The following IMMP2L variants were observed in gnomAD, a reference collection of about 807,000 sequenced individuals.
IMMP2L encodes mitochondrial inner membrane protease subunit 2.
In IMMP2L, 18 loss-of-function variants were observed where a neutral mutation model predicts 19.3. That is an observed-to-expected ratio of 0.93 (90% CI 0.64 to 1.38). The LOEUF (loss-of-function observed/expected upper bound fraction) is 1.38. IMMP2L is among the 40% of genes most tolerant of loss of function. The pLI is 0.00. For synonymous variants in IMMP2L, 76 were observed against 73.0 expected (o/e 1.04, Z -0.21); for missense variants, 233 against 218.2 (o/e 1.07, Z -0.43).
chr7:111,484,075 G>A (rs1353719822), intron 3 of IMMP2L, among the ~76,000 whole-genome samples: 1 of 152,162 alleles, frequency 6.6e-6, no homozygotes, highest in Non-Finnish European at 1.5e-5. Context: ...TTTATGACTT[G>A]TAATGATAAT....
chr7:110,940,411 G>A (rs1183804362), intron 4 of IMMP2L, among the ~76,000 whole-genome samples: 2 of 151,896 alleles, frequency 1.3e-5, no homozygotes, highest in Non-Finnish European at 2.9e-5. Context: ...TTATTCATTA[G>A]TAATCAAAAA....
intron 5 of IMMP2L, among the ~76,000 whole-genome samples, chr7:110,854,401 T>C (rs891828680): frequency 6.6e-6 from 1 of 151,948 alleles, no homozygotes; most frequent in Admixed American, 6.6e-5. Flanking sequence ...AGGAGAAACA[T>C]GTATTCTTTT....
At chr7:111,419,514 T>C (rs760035730) in intron 3 of IMMP2L, among the ~76,000 whole-genome samples, 1 of 151,806 alleles carries the variant, frequency 6.6e-6, no homozygotes, top group Non-Finnish European at 1.5e-5. Context: ...AATGTGTATC[T>C]GATTGCCTCC....
At chr7:111,536,202 G>A (rs1847871812) in intron 1 of IMMP2L, among the ~76,000 whole-genome samples, 1 of 152,050 alleles carries the variant, frequency 6.6e-6, no homozygotes, top group Admixed American at 6.5e-5. Context: ...AGCTTCAAAA[G>A]GTAAATCAGG....
chr7:111,110,846 C>T (rs1799110827), intron 3 of IMMP2L, among the ~76,000 whole-genome samples: 1 of 152,102 alleles, frequency 6.6e-6, no homozygotes, highest in African/African-American at 2.4e-5. Context: ...TGTCCCAGAT[C>T]AAATTTAAGG....
intron 3 of IMMP2L, among the ~76,000 whole-genome samples, chr7:111,095,604 TA>T (rs953201458): frequency 2.7e-4 from 41 of 152,140 alleles, no homozygotes; most frequent in African/African-American, 9.6e-4. Flanking sequence ...TGTAAAGTCA[TA>T]AAAATTAGAG....
intron 2 of IMMP2L, among the ~76,000 whole-genome samples, chr7:111,518,473 C>T (rs199746113): frequency 6.6e-6 from 1 of 152,110 alleles, no homozygotes; most frequent in East Asian, 1.9e-4. Flanking sequence ...AGAAAAACAG[C>T]TGTGTTCCTT....
intron 3 of IMMP2L, chr7:111,097,120 T>C: frequency 6.6e-6 from 1 of 151,862 alleles, no homozygotes; most frequent in East Asian, 1.9e-4. Context: ...AAAGGCCCAC[T>C]GAATCAGTTA....
intron 5 of IMMP2L, among the ~76,000 whole-genome samples, chr7:110,756,403 A>C (rs1467802701): frequency 6.6e-6 from 1 of 152,058 alleles, no homozygotes; most frequent in African/African-American, 2.4e-5. Context: ...TTTACAAGTG[A>C]TGATATTTAG....
chr7:111,266,544 CA>C (rs530670317), intron 3 of IMMP2L, among the ~76,000 whole-genome samples: 10,569 of 88,650 alleles, frequency 0.12, 318 homozygotes, highest in Middle Eastern at 0.16. Context: ...CTATGTCTCC[CA>C]AAAAAAAAAA....
intron 3 of IMMP2L, among the ~76,000 whole-genome samples, chr7:111,172,894 G>C (rs1038988117): frequency 2.6e-5 from 4 of 151,566 alleles, no homozygotes; most frequent in African/African-American, 9.7e-5. Context: ...AAATGGCAGA[G>C]AACTCATGGT....
intron 1 of IMMP2L, among the ~76,000 whole-genome samples, chr7:111,539,202 GAAA>G (rs1563330746): frequency 1.1e-3 from 7 of 6,178 alleles, no homozygotes; most frequent in Non-Finnish European, 1.6e-3. Flanking sequence ...GAGGGAGAAA[GAAA>G]GAAAGAAAGA....
At chr7:111,499,314 A>C (rs1467596211) in intron 2 of IMMP2L, among the ~76,000 whole-genome samples, 1 of 152,178 alleles carries the variant, frequency 6.6e-6, no homozygotes, top group Admixed American at 6.5e-5. Context: ...GTAGACAGGG[A>C]ATATCAATGT....
intron 4 of IMMP2L, among the ~76,000 whole-genome samples, chr7:110,947,396 C>T (rs1817372031): frequency 6.6e-6 from 1 of 152,136 alleles, no homozygotes; most frequent in African/African-American, 2.4e-5. Flanking sequence ...TACCATCATG[C>T]AGTAAACATT....
intron 5 of IMMP2L, among the ~76,000 whole-genome samples, chr7:110,824,076 C>T (rs1803256787): frequency 6.6e-6 from 1 of 152,200 alleles, no homozygotes; most frequent in East Asian, 1.9e-4. Flanking sequence ...TAATGCAATA[C>T]TTACATTATA....
At chr7:111,100,082 T>A (rs1797809564) in intron 3 of IMMP2L, 1 of 151,666 alleles carries the variant, frequency 6.6e-6, no homozygotes, top group South Asian at 2.1e-4. Flanking sequence ...GAACCCTGAA[T>A]GTCTGACTCT....
chr7:111,297,608 T>A (rs1309795300), intron 3 of IMMP2L, among the ~76,000 whole-genome samples: 1 of 152,102 alleles, frequency 6.6e-6, no homozygotes, highest in Non-Finnish European at 1.5e-5. Flanking sequence ...GACTTGTGCA[T>A]AAATGTATAT....
chr7:111,066,088 C>T (rs547192485), intron 3 of IMMP2L, among the ~76,000 whole-genome samples: 10 of 151,616 alleles, frequency 6.6e-5, no homozygotes, highest in Non-Finnish European at 7.4e-5. Context: ...AAGCAATTCT[C>T]CTACCGCAGC....
At chr7:111,409,598 T>C (rs1834213887) in intron 3 of IMMP2L, among the ~76,000 whole-genome samples, 2 of 151,822 alleles carry the variant, frequency 1.3e-5, no homozygotes, top group South Asian at 4.1e-4. Context: ...CTTGGTTAAA[T>C]AATCTTATGG....
Sources: allele counts gnomAD v4.1 joint callset (sites outside exome capture counted in the v4.1 genomes callset), GRCh38; gene constraint gnomAD v4.1.1; transcripts MANE v1.5; gene names NCBI Gene and HGNC (gene_info 2026-07-23, HGNC 2026-07-21).